The following MAN2A1 variants were observed in gnomAD, a reference collection of about 807,000 sequenced individuals.
MAN2A1 encodes alpha-mannosidase 2.
MAN2A1 carries 76 observed loss-of-function variants against 142.6 expected under a neutral mutation model. The observed-to-expected ratio is 0.53, with a 90% CI of 0.44 to 0.65. The LOEUF is 0.65. Ranked by LOEUF, MAN2A1 falls within the 30% of genes least tolerant of loss-of-function variation. The pLI is 0.00. For synonymous variants in MAN2A1, 559 were observed against 473.2 expected, an observed-to-expected ratio of 1.18 and a Z score of -2.35; for missense variants, 1,311 against 1,365.1, an observed-to-expected ratio of 0.96 and a Z score of 0.62.
intron 20 of MAN2A1, 142 bp from the exon 21 acceptor site, chr5:109,864,894 A>G (rs1755840360): frequency 7.6e-6 from 5 of 653,616 alleles, no homozygotes; most frequent in South Asian, 1.8e-5. Flanking sequence ...GTGAGCATGG[A>G]CCTGAGGAGA....
intron 4 of MAN2A1, among the ~76,000 whole-genome samples, chr5:109,739,141 C>T (rs1163532218): frequency 6.6e-6 from 1 of 152,128 alleles, no homozygotes; most frequent in Non-Finnish European, 1.5e-5. Context: ...TGTGCTCAGT[C>T]CGTATAATGG....
chr5:109,733,213 T>C (rs1253301175), intron 4 of MAN2A1, among the ~76,000 whole-genome samples: 1 of 152,182 alleles, frequency 6.6e-6, no homozygotes, highest in Non-Finnish European at 1.5e-5. Context: ...ACGTTGATTT[T>C]GTATCCTGAG....
At chr5:109,808,768 G>T (rs1413387844) in intron 12 of MAN2A1, among the ~76,000 whole-genome samples, 12 of 145,660 alleles carry the variant, frequency 8.2e-5, no homozygotes, top group Non-Finnish European at 1.6e-4. Flanking sequence ...CAGTGATACA[G>T]TCTCGGCTCA....
chr5:109,759,850 A>G lies in MAN2A1; in HGVS notation c.835+4394A>G, dbSNP rs571439134. ...TTAACATGCATTTCTATGATGACTA[A>G]TGATGCTGAGTATGTTTTGTTGTGC... On this transcript the variant is annotated intron_variant, in intron 5 of 21. Transcript: ENST00000261483. Among the ~76,000 whole-genome samples, 3 of 152,176 alleles carry G rather than the reference A, an allele frequency of 2.0e-5. No homozygotes were observed. The South Asian group carries it at 6.2e-4, about 32-fold the overall frequency.
intron 16 of MAN2A1, among the ~76,000 whole-genome samples, chr5:109,839,647 CTCTTTTT>C (rs1389757327): frequency 2.4e-4 from 32 of 131,232 alleles, no homozygotes; most frequent in Non-Finnish European, 3.4e-4. Context: ...CCCTGTCTCT[CTCTTTTT>C]TTTTTTTTTT....
At chr5:109,741,816 T>C (rs3797695) in intron 4 of MAN2A1, among the ~76,000 whole-genome samples, 26,699 of 152,208 alleles carry the variant, frequency 0.18, 3,300 homozygotes, top group East Asian at 0.64. Context: ...CTATATTTTC[T>C]GTTTTTTTGT....
At chr5:109,759,773 C>G (rs1752788202) in intron 5 of MAN2A1, among the ~76,000 whole-genome samples, 1 of 151,960 alleles carries the variant, frequency 6.6e-6, no homozygotes, top group Non-Finnish European at 1.5e-5. Context: ...CTGTGTGAGT[C>G]TTTTTTCTTA....
chr5:109,773,762 TA>T (rs2112656037), intron 7 of MAN2A1, among the ~76,000 whole-genome samples: 1 of 152,320 alleles, frequency 6.6e-6, no homozygotes, highest in African/African-American at 2.4e-5. Flanking sequence ...TTATAATTTT[TA>T]TAAGATGCTT....
intron 15 of MAN2A1, among the ~76,000 whole-genome samples, chr5:109,822,664 C>T (rs1270588705): frequency 6.6e-6 from 1 of 151,866 alleles, no homozygotes; most frequent in Admixed American, 6.6e-5. Flanking sequence ...AAGAAAATTA[C>T]ACAATTCTGA....
intron 19 of MAN2A1, among the ~76,000 whole-genome samples, chr5:109,850,700 TA>T (rs1755461410): frequency 6.6e-6 from 1 of 152,208 alleles, no homozygotes; most frequent in South Asian, 2.1e-4. Context: ...ACTGCAATAA[TA>T]AAAATTTTCA....
chr5:109,807,040 A>C (rs1754183208), intron 12 of MAN2A1, among the ~76,000 whole-genome samples: 1 of 151,942 alleles, frequency 6.6e-6, no homozygotes, highest in South Asian at 2.1e-4. Flanking sequence ...CTTAGCGTTG[A>C]ATTTTTTTTT....
chr5:109,820,466 T>C lies in MAN2A1; in HGVS notation c.2451+124T>C, dbSNP rs1754593727. The stretch of plus-strand genomic sequence containing the variant: ...TTATTAGGGATAGATGAACTTTTGG[T>C]TGCAGTATTATCTATCACCTTATTG... On this transcript the variant is annotated intron_variant, in intron 15 of 21. Transcript: ENST00000261483. 4.1e-6 allele frequency: 4 copies of C among 987,570 alleles called. No individual in the cohort carries two copies. The South Asian group carries it at 7.2e-5, about 18-fold the overall frequency. 61.2% of individuals were successfully genotyped at this position (987,570 alleles called of 1,614,324 possible). A position where few individuals can be genotyped will look rare whatever the true frequency, so the allele number is the denominator to read the frequency against.
chr5:109,775,555 C>T (rs1345205116), intron 8 of MAN2A1, among the ~76,000 whole-genome samples: 4 of 151,862 alleles, frequency 2.6e-5, no homozygotes, highest in East Asian at 1.9e-4. Context: ...CCCTTCTCCC[C>T]ATATCCATGG....
intron 4 of MAN2A1, among the ~76,000 whole-genome samples, chr5:109,742,497 A>G (rs1411613732): frequency 6.6e-6 from 1 of 152,202 alleles, no homozygotes; most frequent in Non-Finnish European, 1.5e-5. Flanking sequence ...TGTCTTCTCA[A>G]CTATCTCTGC....
intron 10 of MAN2A1, 101 bp from the exon 11 acceptor site, chr5:109,788,831 CAA>C: frequency 3.2e-6 from 2 of 618,654 alleles, no homozygotes; most frequent in Non-Finnish European, 5.8e-6. Context: ...ACTTTGAATA[CAA>C]GATGAAGATA....
chr5:109,774,007 A>T, intron 7 of MAN2A1, among the ~76,000 whole-genome samples: 1 of 152,184 alleles, frequency 6.6e-6, no homozygotes, highest in East Asian at 1.9e-4. Flanking sequence ...TTCTTAAATG[A>T]TGCCCTAATT....
At chr5:109,717,294 A>T (rs1561476043) in intron 3 of MAN2A1, among the ~76,000 whole-genome samples, 1 of 152,156 alleles carries the variant, frequency 6.6e-6, no homozygotes, top group Non-Finnish European at 1.5e-5. Context: ...GAAGACAACA[A>T]AATATGTTAC....
chr5:109,826,873 C>G lies in MAN2A1; in HGVS notation c.2566+3036C>G, dbSNP rs149735582. Among the ~76,000 whole-genome samples, 973 of 152,276 alleles carry G rather than the reference C, an allele frequency of 6.4e-3. 12 individuals carry two copies. The highest frequency in any genetic ancestry group is 8.0e-3 in the Non-Finnish European group (546 of 68,024). ...ACTTTGGCCTCCTGTAAATCAGACA[C>G]CTGGATGATTGATCAAAATGCATAG... On this transcript the variant is annotated intron_variant, in intron 16 of 21. Coordinates refer to ENST00000261483, the MANE Select transcript of MAN2A1 (RefSeq NM_002372.4).
At chr5:109,823,887 A>T (rs1183317442) in intron 16 of MAN2A1, 50 bp downstream of exon 16, 4 of 889,788 alleles carry the variant, frequency 4.5e-6, no homozygotes, top group Non-Finnish European at 6.6e-6. Flanking sequence ...TGGTTTTTGA[A>T]TTCTTGCTTT....
Sources: gnomAD v4.1 joint callset for allele counts (sites outside exome capture counted in the v4.1 genomes callset) on GRCh38, gnomAD v4.1.1 for gene constraint, MANE v1.5 for transcripts, NCBI Gene and HGNC (gene_info 2026-07-23, HGNC 2026-07-21) for gene names.